Variants in LIPG observed in about 807,000 individuals in gnomAD.
The protein encoded by LIPG is endothelial lipase.
Under a neutral mutation model 51.8 loss-of-function variants are expected in LIPG, and 34 were observed. The observed-to-expected ratio is 0.66, with a 90% CI of 0.50 to 0.87. The LOEUF is 0.87. Ranked by LOEUF, LIPG falls within the 40% of genes least tolerant of loss-of-function variation. The pLI, the probability that LIPG is intolerant of heterozygous loss-of-function variation, is 0.00. For synonymous variants in LIPG, 246 were observed against 246.1 expected, an observed-to-expected ratio of 1.00 and a Z score of 0.00; for missense variants, 580 against 652.7, an observed-to-expected ratio of 0.89 and a Z score of 1.21.
At chr18:49,587,279 A>G (rs973750899) in intron 9 of LIPG, among the ~76,000 whole-genome samples, 1 of 147,060 alleles carries the variant, frequency 6.8e-6, no homozygotes, top group Non-Finnish European at 1.5e-5. Flanking sequence ...TGTCTCAAAA[A>G]GAAAGAAAGG....
intron 1 of LIPG, among the ~76,000 whole-genome samples, chr18:49,564,551 C>A (rs1395541325): frequency 2.0e-5 from 3 of 152,330 alleles, no homozygotes; most frequent in African/African-American, 7.2e-5. Context: ...CAGATGAATG[C>A]CTGGCACATG....
At chr18:49,581,870 C>T in intron 6 of LIPG, 1 of 627,300 alleles carries the variant, frequency 1.6e-6, no homozygotes, top group Non-Finnish European at 2.8e-6. Context: ...GGCTATCAGT[C>T]CATGATCACA....
intron 3 of LIPG, 77 bp downstream of exon 3, chr18:49,567,698 C>A (rs1204263239): frequency 7.1e-7 from 1 of 1,405,910 alleles, no homozygotes; most frequent in Non-Finnish European, 9.9e-7. Flanking sequence ...GCAGGTCATG[C>A]ATCTGTTGCC....
At chr18:49,581,378 G>T in intron 5 of LIPG, 37 bp from the exon 6 acceptor site, 1 of 1,613,970 alleles carries the variant, frequency 6.2e-7, no homozygotes. Flanking sequence ...ATCAAGAAGG[G>T]CTCATCCTGC....
At position 49,590,500 on chromosome 18, in the gene LIPG, G is replaced by T; in HGVS notation, c.1482-1G>T. ...TGCCACTCTCACACGGTTTCTTTCA[G>T]TCCCACTGTGGAGCTTCCCTGAGGG... On this transcript the variant is annotated splice_acceptor_variant, in intron 9 of 9. Transcript: ENST00000261292. LOFTEE classifies it high-confidence loss of function. 6.2e-7 allele frequency: 1 copy of T among 1,602,528 alleles called. No homozygotes were observed. The highest frequency in any genetic ancestry group is 1.1e-5 in the South Asian group (1 of 88,980).
rs753584770 is a variant in LIPG, at chr18:49,567,632, A to T, written c.459+11A>T. ...CTCGACTGGCTGCAGGTACTGGGGG[A>T]TGAGAGGGAGTCTCCTGTCACCAGC... On this transcript the variant is annotated intron_variant, in intron 3 of 9. Coordinates refer to ENST00000261292, the MANE Select transcript of LIPG (RefSeq NM_006033.4). 1.6e-5 allele frequency: 26 copies of T among 1,613,332 alleles called. No homozygotes were observed. Among genetic ancestry groups the T allele is most frequent in the Middle Eastern group, 3.5e-4 (2 of 5,634 alleles).
At chr18:49,566,877 G>A (rs1319065464) in intron 2 of LIPG, among the ~76,000 whole-genome samples, 1 of 152,190 alleles carries the variant, frequency 6.6e-6, no homozygotes, top group Non-Finnish European at 1.5e-5. Flanking sequence ...GGCCCTAACA[G>A]ACAGTGGGGC....
chr18:49,567,689 C>A (rs1247041183), intron 3 of LIPG, 68 bp downstream of exon 3: 56 of 1,499,574 alleles, frequency 3.7e-5, no homozygotes, highest in Non-Finnish European at 5.2e-5. Context: ...TTAAGAAATG[C>A]AGGTCATGCA....
intron 2 of LIPG, among the ~76,000 whole-genome samples, chr18:49,566,242 G>T (rs2084605660): frequency 6.6e-6 from 1 of 152,146 alleles, no homozygotes; most frequent in Non-Finnish European, 1.5e-5. Context: ...TGAGGTCAGG[G>T]GCAGGAGAGG....
chr18:49,569,408 T>A, intron 3 of LIPG, 29 bp from the exon 4 acceptor site: 1 of 1,591,062 alleles, frequency 6.3e-7, no homozygotes, highest in Non-Finnish European at 8.6e-7. Context: ...CCTGCTCTTC[T>A]GCTCACATAC....
chr18:49,572,333 TAAAA>T (rs80319941), intron 4 of LIPG, among the ~76,000 whole-genome samples: 12,908 of 149,530 alleles, frequency 0.086, 634 homozygotes, highest in South Asian at 0.15. Context: ...AAATAAAAAA[TAAAA>T]AATAAAAAAC....
rs774203324 is a variant in LIPG, at chr18:49,583,710, C to T, written c.1312C>T (p.Arg438Cys). 20 of 1,614,016 alleles carry T rather than the reference C, an allele frequency of 1.2e-5. No individual in the cohort carries two copies. Among genetic ancestry groups the T allele is most frequent in the Non-Finnish European group, 1.5e-5 (18 of 1,180,030 alleles). Reference protein sequence around the residue: ...KEFRSYLSQPRNPGRELNIRR... With the variant: ...KEFRSYLSQPCNPGRELNIRR... The stretch of plus-strand genomic sequence containing the variant: ...GTTTCGCAGCTACCTGTCTCAACCC[C>T]GCAACCCCGGACGGGAGCTGAATAT... Residue 438 changes from arginine (R) to cysteine (C), a missense_variant, in exon 8 of 10, where the codon CGC becomes TGC. Physicochemically the swap from Arg to Cys is radical, Grantham distance 180. Transcript: ENST00000261292.
Position 49,582,479 on chromosome 18 carries a change from A to C in LIPG, c.1154A>C (p.Glu385Ala). ...GCAGATTCCCAGACTCTGCCACTGG[A>C]AATGTAAGTCATCCGTTTCCCTTGC... ...TNADSQTLPL[E>A]IVERIEQNAT... Residue 385 changes from glutamate to alanine, a missense_variant, in exon 7 of 10, where the codon GAA becomes GCA. Coordinates refer to ENST00000261292, the MANE Select transcript of LIPG (RefSeq NM_006033.4). The C allele has an allele frequency of 6.2e-7, 1 of 1,614,196 alleles. No homozygotes were observed. Among genetic ancestry groups the C allele is most frequent in the Non-Finnish European group, 8.5e-7 (1 of 1,180,020 alleles).
rs552653551 is a variant in LIPG, at chr18:49,582,293, G to A, written c.1037-69G>A. On this transcript the variant is annotated intron_variant, in intron 6 of 9. Transcript: ENST00000261292. Reference sequence around the variant, plus strand: ...CTAAAATCTCTGTGCTGGTGACTCAGTTTGGGTCAGGGGTCTCCTGTGATG... The same window carrying A: ...CTAAAATCTCTGTGCTGGTGACTCAATTTGGGTCAGGGGTCTCCTGTGATG... The A allele has an allele frequency of 1.4e-5, 22 of 1,603,084 alleles. No homozygotes were observed. The African/African-American group carries it at 2.1e-4, about 16-fold the overall frequency.
chr18:49,598,723 A>T lies in LIPG; in HGVS notation c.*8201A>T, dbSNP rs1336191187. 6.6e-6 allele frequency: 1 copy of T among 152,236 alleles called. No individual in the cohort carries two copies. The highest frequency in any genetic ancestry group is 2.4e-5 in the African/African-American group (1 of 41,444). The allele number at this position is 152,236 out of a possible 1,614,324, so 9.4% of individuals were successfully genotyped here. On this transcript the variant is annotated 3_prime_UTR_variant, in exon 10 of 10. Coordinates refer to ENST00000261292, the MANE Select transcript of LIPG (RefSeq NM_006033.4). ...ATTACCACATCGAGATTGTGAACAT[A>T]CCACCACCAGAAGTTTTCTTGTGCC...
chr18:49,570,131 G>C (rs61766074), intron 4 of LIPG, among the ~76,000 whole-genome samples: 12,044 of 152,246 alleles, frequency 0.079, 540 homozygotes, highest in South Asian at 0.14. Context: ...TGTTAAGGTA[G>C]CATATTTATG....
chr18:49,568,670 C>T (rs1250258116), intron 3 of LIPG, among the ~76,000 whole-genome samples: 5 of 152,174 alleles, frequency 3.3e-5, no homozygotes, highest in Non-Finnish European at 5.9e-5. Context: ...CGTGAGCCAC[C>T]GCACCCAGCC....
At chr18:49,590,212 T>TGTGTG in intron 9 of LIPG, 1 of 500,982 alleles carries the variant, frequency 2.0e-6, no homozygotes, top group Non-Finnish European at 3.7e-6. Context: ...TGTGTGTATG[T>TGTGTG]TGTGGGTGGA....
intron 4 of LIPG, among the ~76,000 whole-genome samples, chr18:49,572,340 TAAAA>T (rs1236631029): frequency 4.5e-5 from 6 of 132,352 alleles, no homozygotes; most frequent in African/African-American, 1.3e-4. Context: ...AAATAAAAAA[TAAAA>T]AACAAACAAA....
Sources: gnomAD v4.1 joint callset for allele counts (sites outside exome capture counted in the v4.1 genomes callset) on GRCh38, gnomAD v4.1.1 for gene constraint, MANE v1.5 for transcripts, NCBI Gene and HGNC (gene_info 2026-07-23, HGNC 2026-07-21) for gene names.